Variants in STX19 observed in about 807,000 individuals in gnomAD.
STX19 encodes the protein syntaxin 19.
In STX19, 26 loss-of-function variants were observed where a neutral mutation model predicts 24.3. That is an observed-to-expected ratio of 1.07 (90% CI 0.78 to 1.48). The LOEUF (loss-of-function observed/expected upper bound fraction) is 1.48, where lower values mean the gene tolerates loss of function less well. STX19 is among the 40% of genes most tolerant of loss of function. The probability of loss-of-function intolerance (pLI) is 0.00; values close to 1 mark genes in which losing one functional copy is unlikely to be tolerated. For synonymous variants in STX19, 116 were observed against 106.9 expected (o/e 1.09, Z -0.52); for missense variants, 367 against 331.9 (o/e 1.11, Z -0.82).
intron 1 of STX19, among the ~76,000 whole-genome samples, chr3:94,024,479 A>G (rs921603965): frequency 1.3e-5 from 2 of 152,218 alleles, no homozygotes; most frequent in Non-Finnish European, 1.5e-5. Context: ...CTCAAGAACT[A>G]CAACATCTTG....
At position 94,014,695 on chromosome 3, in the gene STX19, TC is replaced by T; in HGVS notation, c.574del (p.Glu192LysfsTer35). On this transcript the variant is annotated frameshift_variant, in exon 2 of 2. Coordinates refer to ENST00000315099, the MANE Select transcript of STX19 (RefSeq NM_001001850.3). LOFTEE classifies it high-confidence loss of function. ...TGTAAGTAAGCTTTCATTAAAAACT[TC>T]CCATTTTCCTTGATGAAGCATATCA... Reference protein sequence around the residue: ...VNDMLHQGKWEVFNESLLTEI... With the variant: ...VNDMLHQGKWXVFNESLLTEI... 1 of 1,613,068 alleles carries T rather than the reference TC, an allele frequency of 6.2e-7. No individual in the cohort carries two copies. The highest frequency in any genetic ancestry group is 2.2e-5 in the East Asian group (1 of 44,866).
At chr3:94,021,456 A>C (rs956613017) in intron 1 of STX19, among the ~76,000 whole-genome samples, 1 of 152,014 alleles carries the variant, frequency 6.6e-6, no homozygotes, top group African/African-American at 2.4e-5. Flanking sequence ...CAGCCTCCCA[A>C]AGTGCTGGGA....
intron 1 of STX19, among the ~76,000 whole-genome samples, chr3:94,017,575 T>C (rs1306921226): frequency 6.6e-6 from 1 of 152,022 alleles, no homozygotes; most frequent in African/African-American, 2.4e-5. Context: ...GTCTTATATG[T>C]ATATAAGTTT....
chr3:94,022,184 T>C (rs2076462835), intron 1 of STX19, among the ~76,000 whole-genome samples: 1 of 152,068 alleles, frequency 6.6e-6, no homozygotes, highest in Admixed American at 6.6e-5. Context: ...AGTGCAATGG[T>C]GTGATCTCAG....
intron 1 of STX19, among the ~76,000 whole-genome samples, chr3:94,020,773 C>T (rs2076430808): frequency 1.3e-5 from 2 of 152,144 alleles, no homozygotes; most frequent in South Asian, 4.1e-4. Flanking sequence ...GCACTTAAAG[C>T]ATTCTACTAT....
At chr3:94,026,757 T>C (rs2076566704) in intron 1 of STX19, among the ~76,000 whole-genome samples, 2 of 152,194 alleles carry the variant, frequency 1.3e-5, no homozygotes, top group African/African-American at 2.4e-5. Flanking sequence ...GGAAGAGTTA[T>C]ATACAAATAT....
intron 1 of STX19, among the ~76,000 whole-genome samples, chr3:94,027,957 G>A (rs76976243): frequency 0.014 from 2,171 of 152,196 alleles, 62 homozygotes; most frequent in African/African-American, 0.05. Flanking sequence ...TTATACGTAT[G>A]TGTCAAATTT....
At chr3:94,019,899 G>A (rs779063606) in intron 1 of STX19, among the ~76,000 whole-genome samples, 10 of 152,140 alleles carry the variant, frequency 6.6e-5, no homozygotes, top group South Asian at 4.1e-4. Flanking sequence ...AGTATGTGAC[G>A]TTTTTCCCCA....
At chr3:94,020,031 A>G (rs375866166) in intron 1 of STX19, among the ~76,000 whole-genome samples, 28 of 152,110 alleles carry the variant, frequency 1.8e-4, no homozygotes, top group African/African-American at 6.8e-4. Flanking sequence ...ATTTTTCACT[A>G]TTTAACATAC....
chr3:94,019,870 G>C (rs146032983), intron 1 of STX19, among the ~76,000 whole-genome samples: 1 of 152,106 alleles, frequency 6.6e-6, no homozygotes, highest in Admixed American at 6.5e-5. Flanking sequence ...TCTTCTATTT[G>C]AAGTGTTCTT....
intron 1 of STX19, among the ~76,000 whole-genome samples, chr3:94,016,678 G>T (rs2076339945): frequency 1.4e-5 from 2 of 141,214 alleles, no homozygotes; most frequent in Admixed American, 7.5e-5. Flanking sequence ...ATGGAGTCTT[G>T]CTCTGATGCC....
At chr3:94,017,275 G>T (rs1039085664) in intron 1 of STX19, among the ~76,000 whole-genome samples, 22 of 152,206 alleles carry the variant, frequency 1.4e-4, no homozygotes, top group Non-Finnish European at 4.4e-5. Flanking sequence ...AGTGAGATTA[G>T]ACTTACTTGG....
At position 94,015,231 on chromosome 3, in the gene STX19, C is replaced by G; in HGVS notation, c.39G>C (p.Lys13Asn). Residue 13 changes from lysine to asparagine, a missense_variant, in exon 2 of 2, where the codon AAG becomes AAC. Coordinates refer to ENST00000315099, the MANE Select transcript of STX19 (RefSeq NM_001001850.3). ...GACTGTCTCTAGAGAGTTCAATTTC[C>G]TTTGTTCTCTGCTTTAGTTCTTGAA... ...DRLQELKQRT[K>N]EIELSRDSHV... 1 of 1,580,074 alleles carries G rather than the reference C, an allele frequency of 6.3e-7. No individual in the cohort carries two copies. The highest frequency in any genetic ancestry group is 8.6e-7 in the Non-Finnish European group (1 of 1,167,914).
intron 1 of STX19, among the ~76,000 whole-genome samples, chr3:94,020,429 C>T (rs188991279): frequency 3.9e-5 from 6 of 152,186 alleles, no homozygotes; most frequent in African/African-American, 1.4e-4. Context: ...TTGAAGGACT[C>T]AACTCTTTAT....
intron 1 of STX19, among the ~76,000 whole-genome samples, chr3:94,027,956 T>C (rs2076592231): frequency 6.6e-6 from 1 of 152,134 alleles, no homozygotes; most frequent in Non-Finnish European, 1.5e-5. Flanking sequence ...GTTATACGTA[T>C]GTGTCAAATT....
intron 1 of STX19, among the ~76,000 whole-genome samples, chr3:94,019,572 ACCCCC>A (rs2076405450): frequency 7.0e-6 from 1 of 143,190 alleles, no homozygotes; most frequent in Admixed American, 6.9e-5. Flanking sequence ...TGCACCAACT[ACCCCC>A]CATCCTGCCC....
intron 1 of STX19, among the ~76,000 whole-genome samples, chr3:94,024,489 G>A (rs1576002813): frequency 6.6e-6 from 1 of 152,224 alleles, no homozygotes; most frequent in East Asian, 1.9e-4. Context: ...ACAACATCTT[G>A]AACTTTCTCT....
Position 94,015,479 on chromosome 3 carries a change from A to G in STX19, c.-13-197T>C, listed in dbSNP as rs561198288. Among the ~76,000 whole-genome samples the G allele has an allele frequency of 5.9e-5, 9 of 152,338 alleles. No homozygotes were observed. The South Asian group carries it at 1.9e-3, about 32-fold the overall frequency. On this transcript the variant is annotated intron_variant, in intron 1 of 1. Coordinates refer to ENST00000315099, the MANE Select transcript of STX19 (RefSeq NM_001001850.3). ...GGGAAAGAAATATAAAATAATTTGT[A>G]AGTTACTTTGCATGTGAGTGCTATT...
At chr3:94,021,561 G>T (rs1402005045) in intron 1 of STX19, among the ~76,000 whole-genome samples, 4 of 152,154 alleles carry the variant, frequency 2.6e-5, no homozygotes, top group African/African-American at 9.7e-5. Context: ...AAACTATTGG[G>T]AAGTAATGTG....
Sources: gnomAD v4.1 joint callset for allele counts (sites outside exome capture counted in the v4.1 genomes callset) on GRCh38, gnomAD v4.1.1 for gene constraint, MANE v1.5 for transcripts, NCBI Gene and HGNC (gene_info 2026-07-23, HGNC 2026-07-21) for gene names.